Variants in TRNP1 observed in about 807,000 individuals in gnomAD.
TRNP1 encodes TMF1 regulated nuclear protein 1.
A neutral mutation model predicts 12.2 loss-of-function variants in TRNP1; 16 were observed. That is an observed-to-expected ratio of 1.31 (90% CI 0.89 to 1.99). TRNP1 has a LOEUF of 1.99. Among genes scored for constraint, TRNP1 ranks in the 30% most tolerant of loss-of-function variants. TRNP1 has a pLI of 0.00. For missense variants in TRNP1, 338 were observed against 330.4 expected (o/e 1.02, Z -0.18); for synonymous variants, 139 against 166.2 (o/e 0.84, Z 1.26).
At chr1:26,995,880 T>C (rs145263169) in intron 1 of TRNP1, among the ~76,000 whole-genome samples, 1 of 152,366 alleles carries the variant, frequency 6.6e-6, no homozygotes, top group East Asian at 1.9e-4. Context: ...TCTGTCCGCT[T>C]CGGCCTCCCA....
Position 26,994,823 on chromosome 1 carries a change from T to C in TRNP1, c.*142+211T>C, listed in dbSNP as rs1462588393. 6.6e-6 allele frequency among the ~76,000 whole-genome samples: 1 copy of C among 152,112 alleles called. No homozygotes were observed. The highest frequency in any genetic ancestry group is 1.9e-4 in the East Asian group (1 of 5,186). ...ATAAGAGTTGGACTCTTGAGGGGGC[T>C]CAGATCCCAGGAACGGGTTGGCGGC... On this transcript the variant is annotated intron_variant, in intron 1 of 1. Coordinates refer to ENST00000522111, the MANE Select transcript of TRNP1 (RefSeq NM_001013642.3). This position sits in a 1 kb window ranked among gnomAD's most constrained non-coding sequence, Gnocchi z 6.9.
chr1:26,999,132 G>A (rs2082560189), intron 1 of TRNP1, among the ~76,000 whole-genome samples: 1 of 152,116 alleles, frequency 6.6e-6, no homozygotes, highest in Non-Finnish European at 1.5e-5. Flanking sequence ...GGATGCTCAG[G>A]GCTCAAGCCT....
Position 26,994,920 on chromosome 1 carries a change from T to C in TRNP1, c.*142+308T>C, listed in dbSNP as rs74062562. On this transcript the variant is annotated intron_variant, in intron 1 of 1. Coordinates refer to ENST00000522111, the MANE Select transcript of TRNP1 (RefSeq NM_001013642.3). This position sits in a 1 kb window ranked among gnomAD's most constrained non-coding sequence, Gnocchi z 6.9. ...TCCTCACCCCCACTTGCGTGGCCTT[T>C]CCCGGGCCCCTCGGAGCTGTGAGCA... Among the ~76,000 whole-genome samples the C allele has an allele frequency of 0.051, 7,737 of 152,246 alleles. 217 individuals are homozygous for C. Among genetic ancestry groups the C allele is most frequent in the African/African-American group, 0.056 (2,337 of 41,568 alleles).
Position 26,994,217 on chromosome 1 carries a change from G to A in TRNP1, c.431G>A (p.Arg144His). The change falls in exon 1 of 2, where the codon CGC becomes CAC. Residue 144 changes from arginine (R) to histidine (H), a missense_variant. Transcript: ENST00000522111. This position sits in a 1 kb window ranked among gnomAD's most constrained non-coding sequence, Gnocchi z 6.9. ...GCGGCCGAGCTGCGCCTGGCGCACCGCGCGGAGAGCCTGAGCCGCCTGAGC... is the reference window on the plus strand; with the variant it reads ...GCGGCCGAGCTGCGCCTGGCGCACCACGCGGAGAGCCTGAGCCGCCTGAGC... ...FLAAELRLAH[R>H]AESLSRLSGG... 6.3e-6 allele frequency: 8 copies of A among 1,276,426 alleles called. No individual in the cohort carries two copies. The highest frequency in any genetic ancestry group is 6.0e-6 in the Non-Finnish European group (6 of 1,007,342). 79.1% of individuals were successfully genotyped at this position (1,276,426 alleles called of 1,614,324 possible). A position where few individuals can be genotyped will look rare whatever the true frequency, so the allele number is the denominator to read the frequency against.
At chr1:26,996,869 C>G (rs2124194131) in intron 1 of TRNP1, among the ~76,000 whole-genome samples, 1 of 152,138 alleles carries the variant, frequency 6.6e-6, no homozygotes, top group Non-Finnish European at 1.5e-5. Flanking sequence ...CCCCCTCCCT[C>G]CACTTCCAGA....
chr1:26,999,581 C>T (rs998139898), intron 1 of TRNP1, among the ~76,000 whole-genome samples: 2 of 152,132 alleles, frequency 1.3e-5, no homozygotes, highest in African/African-American at 4.8e-5. Flanking sequence ...CTGGGGAACT[C>T]CATAAGGGGA....
In TRNP1 at chr1:26,994,655, G is replaced by A. The variant is rs1281679442; in HGVS notation, c.*142+43G>A. 6 of 302,020 alleles carry A rather than the reference G, an allele frequency of 2.0e-5. No homozygotes were observed. Among genetic ancestry groups the A allele is most frequent in the Non-Finnish European group, 1.1e-5 (2 of 188,366 alleles). The allele number at this position is 302,020 out of a possible 1,614,324, so 18.7% of individuals were successfully genotyped here. ...GGTGCGTTCGAGGGTCGGTCATGGC[G>A]TGTGGGGGGCTGGTCCAGGGCCCGG... is the stretch of plus-strand genomic sequence containing the variant. On this transcript the variant is annotated intron_variant, in intron 1 of 1. Coordinates refer to ENST00000522111, the MANE Select transcript of TRNP1 (RefSeq NM_001013642.3). This position sits in a 1 kb window ranked among gnomAD's most constrained non-coding sequence, Gnocchi z 6.9.
At chr1:26,999,353 C>T (rs1458603733) in intron 1 of TRNP1, among the ~76,000 whole-genome samples, 6 of 152,194 alleles carry the variant, frequency 3.9e-5, no homozygotes, top group Non-Finnish European at 7.3e-5. Flanking sequence ...CAGTGTACTC[C>T]AGCCTGGGCA....
chr1:26,998,819 A>AGAG (rs1557699729), intron 1 of TRNP1, among the ~76,000 whole-genome samples: 1 of 152,220 alleles, frequency 6.6e-6, no homozygotes, highest in Non-Finnish European at 1.5e-5. Context: ...GAAGAAACAG[A>AGAG]GAGGGAGGGC....
Position 26,993,830 on chromosome 1 carries a change from A to AG in TRNP1, c.48dup (p.Thr17AspfsTer62). 1 of 1,339,570 alleles carries AG rather than the reference A, an allele frequency of 7.5e-7. No individual in the cohort carries two copies. The allele number at this position is 1,339,570 out of a possible 1,614,324, so 83.0% of individuals were successfully genotyped here. ...AGCGCCTGCGGCCCGGGGGCCCAGG[A>AG]GGGGACGGCAGAGCAGAGGTCGCCG... On this transcript the variant is annotated frameshift_variant, in exon 1 of 2. Coordinates refer to ENST00000522111, the MANE Select transcript of TRNP1 (RefSeq NM_001013642.3). LOFTEE classifies it high-confidence loss of function.
rs578193832 is a variant in TRNP1 at position 26,996,846 on chromosome 1, A to T, written c.*142+2234A>T. ...GTAAATGGAGATTGGTCCTGGTGTCACAGGCAGCTCTGCCCCCTCCCTCCA... is the reference window on the plus strand; with the variant it reads ...GTAAATGGAGATTGGTCCTGGTGTCTCAGGCAGCTCTGCCCCCTCCCTCCA... On this transcript the variant is annotated intron_variant, in intron 1 of 1. Transcript: ENST00000522111. 9.9e-5 allele frequency among the ~76,000 whole-genome samples: 15 copies of T among 151,998 alleles called. No individual in the cohort carries two copies. The South Asian group carries it at 3.1e-3, about 32-fold the overall frequency.
At position 27,000,446 on chromosome 1, in the gene TRNP1, T is replaced by A. The variant is rs2082566986; in HGVS notation, c.*742T>A. The A allele has an allele frequency of 6.6e-6, 1 of 152,590 alleles. No individual in the cohort carries two copies. The highest frequency in any genetic ancestry group is 2.1e-4 in the South Asian group (1 of 4,820). The allele number at this position is 152,590 out of a possible 1,614,324, so 9.5% of individuals were successfully genotyped here. A position where few individuals can be genotyped will look rare whatever the true frequency, so the allele number is the denominator to read the frequency against. Reference sequence around the variant, plus strand: ...GGGTTGGGGTGGGGGACACACCTTTTTCTCAGGAAGAGGTGATGGCAATGT... The same window carrying A: ...GGGTTGGGGTGGGGGACACACCTTTATCTCAGGAAGAGGTGATGGCAATGT... On this transcript the variant is annotated 3_prime_UTR_variant, in exon 2 of 2. Transcript: ENST00000522111.
In TRNP1 at chr1:26,994,326, A is replaced by T. The variant is rs1553167345; in HGVS notation, c.540A>T (p.Arg180=). The T allele has an allele frequency of 6.4e-6, 7 of 1,101,338 alleles. No homozygotes were observed. Among genetic ancestry groups the T allele is most frequent in the Admixed American group, 5.2e-5 (1 of 19,386 alleles). The allele number at this position is 1,101,338 out of a possible 1,614,324, so 68.2% of individuals were successfully genotyped here. Residue 180 remains arginine (R), a synonymous_variant, in exon 1 of 2, where the codon CGA becomes CGT. Transcript: ENST00000522111. This position sits in a 1 kb window ranked among gnomAD's most constrained non-coding sequence, Gnocchi z 6.9. ...KKGPRRGRRG[R]PPALLASALG... ...GCCCGCGCCGCGGCCGCCGCGGCCGACCCCCCGCGCTGCTGGCCTCGGCGC... is the reference window on the plus strand; with the variant it reads ...GCCCGCGCCGCGGCCGCCGCGGCCGTCCCCCCGCGCTGCTGGCCTCGGCGC...
At position 27,000,708 on chromosome 1, in the gene TRNP1, G is replaced by A. The variant is rs1233785051; in HGVS notation, c.*1004G>A. On this transcript the variant is annotated 3_prime_UTR_variant, in exon 2 of 2. Transcript: ENST00000522111. ...CAAGTGCCCTTGCTGCCTTTCCTCT[G>A]TGTCTATTATGGCTCTTTAAGTTGA... 6.6e-6 allele frequency: 1 copy of A among 152,394 alleles called. No individual in the cohort carries two copies. Among genetic ancestry groups the A allele is most frequent in the African/African-American group, 2.4e-5 (1 of 41,438 alleles). The allele number at this position is 152,394 out of a possible 1,614,324, so 9.4% of individuals were successfully genotyped here. A position where few individuals can be genotyped will look rare whatever the true frequency, so the allele number is the denominator to read the frequency against.
chr1:26,994,015 G>T lies in TRNP1; in HGVS notation c.229G>T (p.Ala77Ser). 2 of 1,255,848 alleles carry T rather than the reference G, an allele frequency of 1.6e-6. No individual in the cohort carries two copies. The highest frequency in any genetic ancestry group is 2.0e-6 in the Non-Finnish European group (2 of 1,001,510). The allele number at this position is 1,255,848 out of a possible 1,614,324, so 77.8% of individuals were successfully genotyped here. The stretch of plus-strand genomic sequence containing the variant: ...GGAGCTGCAGCGCTGGCGCCAGGGC[G>T]CTAGCGGGATCGCGGGGCTCGCCGG... ...DQELQRWRQG[A>S]SGIAGLAGPG... Residue 77 changes from alanine (A) to serine (S), a missense_variant, in exon 1 of 2, where the codon GCT becomes TCT. Transcript: ENST00000522111. This position sits in a 1 kb window ranked among gnomAD's most constrained non-coding sequence, Gnocchi z 6.9.
In TRNP1 at chr1:26,996,817, G is replaced by A. The variant is rs944530601; in HGVS notation, c.*142+2205G>A. 7.2e-5 allele frequency among the ~76,000 whole-genome samples: 11 copies of A among 151,814 alleles called. 1 individual carries two copies. Among genetic ancestry groups the A allele is most frequent in the African/African-American group, 2.7e-4 (11 of 41,304 alleles). On this transcript the variant is annotated intron_variant, in intron 1 of 1. Coordinates refer to ENST00000522111, the MANE Select transcript of TRNP1 (RefSeq NM_001013642.3). ...GTGTGTGTGTGTGTGTGAAGTAGAG[G>A]GTAGTAAATGGAGATTGGTCCTGGT...
In TRNP1 at chr1:26,994,523, C is replaced by T; in HGVS notation, c.*53C>T. On this transcript the variant is annotated 3_prime_UTR_variant, in exon 1 of 2. Coordinates refer to ENST00000522111, the MANE Select transcript of TRNP1 (RefSeq NM_001013642.3). This position sits in a 1 kb window ranked among gnomAD's most constrained non-coding sequence, Gnocchi z 6.9. ...CGACAAGCTTCGCCGAGGTGCCGAC[C>T]GACCGACTGATCGCGGACGCCGGCT... 8.9e-7 allele frequency: 1 copy of T among 1,119,332 alleles called. No individual in the cohort carries two copies. The highest frequency in any genetic ancestry group is 1.1e-6 in the Non-Finnish European group (1 of 912,550). 69.3% of individuals were successfully genotyped at this position (1,119,332 alleles called of 1,614,324 possible).
chr1:26,995,876 C>T (rs1030513353), intron 1 of TRNP1, among the ~76,000 whole-genome samples: 1 of 152,184 alleles, frequency 6.6e-6, no homozygotes, highest in East Asian at 1.9e-4. Flanking sequence ...GTGATCTGTC[C>T]GCTTCGGCCT....
intron 1 of TRNP1, among the ~76,000 whole-genome samples, chr1:26,996,847 C>A (rs556825781): frequency 6.6e-6 from 1 of 152,004 alleles, no homozygotes; most frequent in East Asian, 1.9e-4. Flanking sequence ...CCTGGTGTCA[C>A]AGGCAGCTCT....
Sources: gnomAD v4.1 joint callset for allele counts (sites outside exome capture counted in the v4.1 genomes callset) on GRCh38, gnomAD v4.1.1 for gene constraint, Gnocchi (gnomAD v3.1) non-coding constraint, MANE v1.5 for transcripts, NCBI Gene and HGNC (gene_info 2026-07-23, HGNC 2026-07-21) for gene names.